The following CAPN14 variants were observed in gnomAD, a reference collection of about 807,000 sequenced individuals.
CAPN14 encodes the protein calpain-14.
Under a neutral mutation model 101.3 loss-of-function variants are expected in CAPN14, and 94 were observed. The observed-to-expected ratio is 0.93, with a 90% confidence interval of 0.79 to 1.10. The LOEUF is 1.10. Among genes scored for constraint, CAPN14 ranks in the 50% least tolerant of loss-of-function variants. The pLI is 0.00. For synonymous variants in CAPN14, 338 were observed against 317.9 expected, an observed-to-expected ratio of 1.06 and a Z score of -0.67; for missense variants, 837 against 828.4, an observed-to-expected ratio of 1.01 and a Z score of -0.13.
intron 1 of CAPN14, among the ~76,000 whole-genome samples, chr2:31,216,516 A>G (rs1682650813): frequency 6.6e-6 from 1 of 151,938 alleles, no homozygotes; most frequent in Middle Eastern, 3.2e-3. Context: ...CCAGGCTCAC[A>G]CTCTAGAAAG....
chr2:31,209,310 G>C (rs1205027955), intron 1 of CAPN14, among the ~76,000 whole-genome samples: 1 of 152,048 alleles, frequency 6.6e-6, no homozygotes, highest in African/African-American at 2.4e-5. Flanking sequence ...TAAACAGAGA[G>C]TCAGGCTTTG....
chr2:31,212,171 G>T (rs183169740), intron 1 of CAPN14, among the ~76,000 whole-genome samples: 1 of 151,978 alleles, frequency 6.6e-6, no homozygotes, highest in Non-Finnish European at 1.5e-5. Flanking sequence ...TTAGCTGGGC[G>T]CTGTGGTGGG....
In CAPN14 at chr2:31,173,474, T is replaced by A. The variant is rs1045085805; in HGVS notation, c.*1207A>T. The A allele has an allele frequency of 6.6e-6, 1 of 152,210 alleles. No individual in the cohort carries two copies. Among genetic ancestry groups the A allele is most frequent in the Non-Finnish European group, 1.5e-5 (1 of 68,034 alleles). The allele number at this position is 152,210 out of a possible 1,614,324, so 9.4% of individuals were successfully genotyped here. A position where few individuals can be genotyped will look rare whatever the true frequency, so the allele number is the denominator to read the frequency against. The stretch of plus-strand genomic sequence containing the variant: ...ATGTTTGTTAGAATTGTTTGTAAAT[T>A]AAGATTAAATAGAATACAGGTTGAC... On this transcript the variant is annotated 3_prime_UTR_variant, in exon 22 of 22. Transcript: ENST00000403897.
chr2:31,211,671 G>GCACACACACACACA (rs34380519), intron 1 of CAPN14, among the ~76,000 whole-genome samples: 26 of 149,458 alleles, frequency 1.7e-4, no homozygotes, highest in African/African-American at 6.4e-4. Context: ...GTGTGCATGT[G>GCACACACACACACA]CACACACACA....
chr2:31,188,731 A>G (rs1156650477), intron 13 of CAPN14, among the ~76,000 whole-genome samples: 1 of 152,174 alleles, frequency 6.6e-6, no homozygotes, highest in Non-Finnish European at 1.5e-5. Context: ...AGGCAAAATA[A>G]TATGTTTGGT....
At chr2:31,189,745 A>C in intron 12 of CAPN14, 9 of 543,272 alleles carry the variant, frequency 1.7e-5, no homozygotes, top group Non-Finnish European at 2.1e-5. Flanking sequence ...CCAGCACTAA[A>C]TGATGTGAGG....
At chr2:31,186,352 G>A (rs1572397653) in intron 16 of CAPN14, 76 bp downstream of exon 16, 4 of 1,040,434 alleles carry the variant, frequency 3.8e-6, no homozygotes, top group Non-Finnish European at 5.6e-6. Flanking sequence ...TCCCACCAAG[G>A]GAAAGAGAAA....
chr2:31,213,145 T>C (rs1028546093), intron 1 of CAPN14, among the ~76,000 whole-genome samples: 1 of 152,194 alleles, frequency 6.6e-6, no homozygotes. Flanking sequence ...GGGTTTGGGA[T>C]TGGAAAACCC....
intron 6 of CAPN14, among the ~76,000 whole-genome samples, chr2:31,200,244 A>G (rs1681684339): frequency 6.6e-6 from 1 of 152,028 alleles, no homozygotes; most frequent in Non-Finnish European, 1.5e-5. Context: ...ACCCCAGGTG[A>G]TCCGCCCACC....
At chr2:31,202,342 G>T in intron 3 of CAPN14, 90 bp from the exon 4 acceptor site, 1 of 930,490 alleles carries the variant, frequency 1.1e-6, no homozygotes, top group Non-Finnish European at 1.7e-6. Context: ...ACCCTCTCTG[G>T]GCTTGTAGCC....
chr2:31,225,122 G>A (rs538254688), intron 2 of CAPN14, among the ~76,000 whole-genome samples: 1 of 151,412 alleles, frequency 6.6e-6, no homozygotes, highest in East Asian at 1.9e-4. Context: ...AAAACAATAC[G>A]AAAAACACTA....
At chr2:31,196,399 G>T (rs1200083738) in intron 8 of CAPN14, among the ~76,000 whole-genome samples, 1 of 152,188 alleles carries the variant, frequency 6.6e-6, no homozygotes, top group East Asian at 1.9e-4. Context: ...TTCTTTGGAT[G>T]ACATCTTCCC....
chr2:31,213,519 A>G (rs1431326407), intron 1 of CAPN14, among the ~76,000 whole-genome samples: 2 of 152,246 alleles, frequency 1.3e-5, no homozygotes, highest in Non-Finnish European at 2.9e-5. Context: ...GCACTGCTCT[A>G]AAGCACTGTT....
At chr2:31,175,865 C>T (rs911799049) in intron 21 of CAPN14, among the ~76,000 whole-genome samples, 2 of 152,182 alleles carry the variant, frequency 1.3e-5, no homozygotes, top group Admixed American at 1.3e-4. Context: ...AATGTCCTTG[C>T]AATGAACATT....
chr2:31,188,346 C>T lies in CAPN14; in HGVS notation c.1502G>A (p.Gly501Asp), dbSNP rs1237217836. ...TGAGAAGACGACACCAGAATTGCTG[C>T]CAATTTCACTGAGAACAAACAAACA... The part of the protein sequence containing the change: ...FSRKHIFYEI[G>D]SNSGVVFSKE... The change falls in exon 14 of 22, where the codon GGC (glycine) becomes GAC (aspartate). Residue 501 changes from glycine (G) to aspartate (D), a missense_variant. Gly to Asp is a moderately conservative substitution (Grantham distance 94). Transcript: ENST00000403897. 5.8e-6 allele frequency: 9 copies of T among 1,551,604 alleles called. No individual in the cohort carries two copies. Among genetic ancestry groups the T allele is most frequent in the South Asian group, 1.2e-5 (1 of 84,060 alleles).
chr2:31,206,694 C>A (rs116250002), intron 1 of CAPN14, among the ~76,000 whole-genome samples: 6,439 of 152,264 alleles, frequency 0.042, 150 homozygotes, highest in African/African-American at 0.055. Context: ...TTCCTTGTTA[C>A]CAGAATCCAT....
intron 14 of CAPN14, 115 bp from the exon 15 acceptor site, chr2:31,187,929 C>T: frequency 2.4e-6 from 2 of 837,660 alleles, no homozygotes; most frequent in Non-Finnish European, 3.8e-6. Context: ...CTTGACTTTG[C>T]ATCGTCTTTA....
chr2:31,197,407 G>T, intron 7 of CAPN14, 73 bp from the exon 8 acceptor site: 1 of 1,044,806 alleles, frequency 9.6e-7, no homozygotes, highest in Non-Finnish European at 1.4e-6. Context: ...TGAGACTCGG[G>T]CCTGGAGCTG....
chr2:31,179,060 C>CTATAAATA (rs1553389815), intron 17 of CAPN14, among the ~76,000 whole-genome samples: 13 of 69,214 alleles, frequency 1.9e-4, no homozygotes, highest in African/African-American at 9.6e-4. Flanking sequence ...TTATTGAGTT[C>CTATAAATA]TATATATATA....
Sources: gnomAD v4.1 joint callset for allele counts (sites outside exome capture counted in the v4.1 genomes callset) on GRCh38, gnomAD v4.1.1 for gene constraint, MANE v1.5 for transcripts, NCBI Gene and HGNC (gene_info 2026-07-23, HGNC 2026-07-21) for gene names.